Variants in HNF4G observed in about 807,000 individuals in gnomAD.
HNF4G encodes hepatocyte nuclear factor 4 gamma.
HNF4G carries 21 observed loss-of-function variants against 50.9 expected under a neutral mutation model. The ratio of observed to expected loss-of-function variants is 0.41; its 90% CI spans 0.29 to 0.59. The LOEUF (loss-of-function observed/expected upper bound fraction) is 0.59, where lower values mean the gene tolerates loss of function less well. HNF4G is among the 20% of genes least tolerant of loss of function. The pLI is 0.26. For missense variants in HNF4G, 527 were observed against 559.4 expected (o/e 0.94, Z 0.58); for synonymous variants, 198 against 185.6 (o/e 1.07, Z -0.54).
intron 1 of HNF4G, among the ~76,000 whole-genome samples, chr8:75,484,757 A>G (rs1297936759): frequency 1.3e-5 from 2 of 152,262 alleles, no homozygotes; most frequent in African/African-American, 2.4e-5. Context: ...GGGACATAGA[A>G]TGAGCTCAGT....
At chr8:75,522,601 T>C (rs1806074170) in intron 2 of HNF4G, among the ~76,000 whole-genome samples, 1 of 152,172 alleles carries the variant, frequency 6.6e-6, no homozygotes, top group African/African-American at 2.4e-5. Flanking sequence ...CTCCATCATT[T>C]TACGATGTTT....
rs940127883 is a variant in HNF4G at position 75,551,559 on chromosome 8, C to T, written c.489+65C>T. ...ATCAAATGTCCATGTAGGCATCATG[C>T]TAAAATAATCTAAGTTTTTTCAAAG... On this transcript the variant is annotated intron_variant, in intron 4 of 9. Transcript: ENST00000396423. 2.9e-5 allele frequency: 26 copies of T among 896,364 alleles called. No homozygotes were observed. In the Admixed American group the frequency reaches 4.8e-4, roughly 16 times the overall value. 55.5% of individuals were successfully genotyped at this position (896,364 alleles called of 1,614,324 possible).
At chr8:75,449,501 AT>A (rs1232475679) in intron 1 of HNF4G, among the ~76,000 whole-genome samples, 5 of 110,762 alleles carry the variant, frequency 4.5e-5, no homozygotes, top group Non-Finnish European at 9.0e-5. Flanking sequence ...ATATATATAT[AT>A]TTTTTTCTTT....
Position 75,555,997 on chromosome 8 carries a change from G to T in HNF4G, c.661G>T (p.Ala221Ser), listed in dbSNP as rs370121611. ...PLDDQVALLR[A>S]HAGEHLLLGA... The stretch of plus-strand genomic sequence containing the variant: ...TTTCATTAAGGTGGCACTGTTGAGA[G>T]CTCACGCAGGGGAGCACTTACTGCT... Residue 221 changes from alanine (A) to serine (S), a missense_variant, in exon 6 of 10, where the codon GCT (alanine) becomes TCT (serine). By Grantham distance (99) the Ala-to-Ser change is moderately conservative. This residue lies in a region of HNF4G where 308 missense variants were observed against 301.5 expected (regional missense o/e 1.02). Coordinates refer to ENST00000396423, the MANE Select transcript of HNF4G (RefSeq NM_004133.5). 16 of 1,572,738 alleles carry T rather than the reference G, an allele frequency of 1.0e-5. No individual in the cohort carries two copies. The African/African-American group carries it at 2.0e-4, about 20-fold the overall frequency.
chr8:75,558,160 G>A (rs1241470661), intron 6 of HNF4G, among the ~76,000 whole-genome samples: 2 of 152,116 alleles, frequency 1.3e-5, no homozygotes, highest in African/African-American at 4.8e-5. Flanking sequence ...ATTCTTTAGG[G>A]TTTGTATTGT....
At chr8:75,538,626 A>C (rs1806532322), upstream of HNF4G, among the ~76,000 whole-genome samples, 1 of 152,220 alleles carries the variant, frequency 6.6e-6, no homozygotes, top group African/African-American at 2.4e-5. Context: ...CTTCTCTAAA[A>C]ACTGAATAAC....
intron 2 of HNF4G, among the ~76,000 whole-genome samples, chr8:75,512,073 G>A (rs912505124): frequency 1.3e-5 from 2 of 152,016 alleles, no homozygotes; most frequent in Non-Finnish European, 2.9e-5. Context: ...GAATGATTTT[G>A]TTAATATTAT....
intron 2 of HNF4G, among the ~76,000 whole-genome samples, chr8:75,503,097 C>T (rs1304480215): frequency 1.3e-5 from 2 of 152,104 alleles, no homozygotes; most frequent in East Asian, 1.9e-4. Flanking sequence ...AAAGAGATTA[C>T]TTTTCATATA....
At chr8:75,433,920 A>G (rs1811073983) in intron 1 of HNF4G, among the ~76,000 whole-genome samples, 2 of 152,142 alleles carry the variant, frequency 1.3e-5, no homozygotes, top group Admixed American at 1.3e-4. Context: ...TAGCACAGTT[A>G]AGATAGGATT....
chr8:75,544,973 A>G (rs535441892), intron 2 of HNF4G, among the ~76,000 whole-genome samples: 1 of 152,076 alleles, frequency 6.6e-6, no homozygotes, highest in Non-Finnish European at 1.5e-5. Context: ...TTCTCTGGTA[A>G]TTCTTTAGTA....
intron 2 of HNF4G, among the ~76,000 whole-genome samples, chr8:75,531,249 G>A (rs986933511): frequency 1.3e-5 from 2 of 152,130 alleles, no homozygotes; most frequent in African/African-American, 4.8e-5. Flanking sequence ...ATTCTCTCTT[G>A]ATGAAGAAAT....
intron 1 of HNF4G, among the ~76,000 whole-genome samples, chr8:75,422,779 G>T (rs918451738): frequency 2.0e-5 from 3 of 151,874 alleles, no homozygotes; most frequent in Non-Finnish European, 2.9e-5. Flanking sequence ...GAGTACAGGC[G>T]CCCGCCACCA....
chr8:75,448,879 T>A (rs1336038128), intron 1 of HNF4G, among the ~76,000 whole-genome samples: 1 of 152,190 alleles, frequency 6.6e-6, no homozygotes, highest in Non-Finnish European at 1.5e-5. Context: ...TGACATTATT[T>A]TCTATATTAC....
chr8:75,462,591 G>A (rs1046374693), intron 1 of HNF4G, among the ~76,000 whole-genome samples: 24 of 152,242 alleles, frequency 1.6e-4, no homozygotes, highest in Non-Finnish European at 2.8e-4. Context: ...TGCAGAAAAC[G>A]AAACCTTGGA....
intron 4 of HNF4G, 122 bp downstream of exon 4, chr8:75,551,616 C>A (rs547957303): frequency 3.3e-6 from 2 of 597,528 alleles, no homozygotes; most frequent in East Asian, 5.7e-5. Context: ...TACATCTACA[C>A]ACAATTAAGA....
At chr8:75,560,667 A>C (rs894639696) in intron 9 of HNF4G, among the ~76,000 whole-genome samples, 1 of 152,168 alleles carries the variant, frequency 6.6e-6, no homozygotes, top group Non-Finnish European at 1.5e-5. Flanking sequence ...AATGAAAATG[A>C]AAGAAAAATC....
chr8:75,468,462 G>A (rs957898433), intron 1 of HNF4G, among the ~76,000 whole-genome samples: 2 of 152,146 alleles, frequency 1.3e-5, no homozygotes, highest in Non-Finnish European at 2.9e-5. Flanking sequence ...TTGGGAGGCC[G>A]AGGCAAGTGG....
At chr8:75,434,469 G>A (rs1266465317) in intron 1 of HNF4G, among the ~76,000 whole-genome samples, 1 of 151,798 alleles carries the variant, frequency 6.6e-6, no homozygotes, top group Non-Finnish European at 1.5e-5. Flanking sequence ...AAATAACAGT[G>A]CAAATAGATG....
At chr8:75,462,130 T>C (rs527740066) in intron 1 of HNF4G, among the ~76,000 whole-genome samples, 190 of 152,132 alleles carry the variant, frequency 1.2e-3, no homozygotes, top group Admixed American at 1.1e-3. Flanking sequence ...TTGGTCAGGC[T>C]GGTCTCGAAC....
Sources: gnomAD v4.1 joint callset for allele counts (sites outside exome capture counted in the v4.1 genomes callset) on GRCh38, gnomAD v4.1.1 for gene constraint, gnomAD v4.1.1 regional missense constraint, MANE v1.5 for transcripts, NCBI Gene and HGNC (gene_info 2026-07-23, HGNC 2026-07-21) for gene names.